Variants in SPTBN1 observed in about 807,000 individuals in gnomAD.
SPTBN1 encodes spectrin beta, non-erythrocytic 1.
A neutral mutation model predicts 266.4 loss-of-function variants in SPTBN1; 32 were observed. The observed-to-expected ratio is 0.12, with a 90% CI of 0.09 to 0.16. The LOEUF (loss-of-function observed/expected upper bound fraction) is 0.16, where lower values mean the gene tolerates loss of function less well. Among genes scored for constraint, SPTBN1 ranks in the 10% least tolerant of loss-of-function variants. The pLI is 1.00. For missense variants in SPTBN1, 2,296 were observed against 3,067.1 expected (o/e 0.75, Z 5.94); for synonymous variants, 1,336 against 1,162.2 (o/e 1.15, Z -3.04).
At chr2:54,552,289 A>G (rs1672618477) in intron 2 of SPTBN1, among the ~76,000 whole-genome samples, 1 of 152,298 alleles carries the variant, frequency 6.6e-6, no homozygotes, top group South Asian at 2.1e-4. Flanking sequence ...GGACTGTACT[A>G]TAATAGTATC....
intron 1 of SPTBN1, among the ~76,000 whole-genome samples, chr2:54,468,519 A>G (rs28380233): frequency 0.035 from 5,376 of 152,124 alleles, 137 homozygotes; most frequent in South Asian, 0.11. Context: ...GATGTTCAGC[A>G]CTCTTGCAGC....
chr2:54,670,511 G>C lies in SPTBN1; in HGVS notation c.*1942G>C. 2.5e-6 allele frequency: 1 copy of C among 394,078 alleles called. No individual in the cohort carries two copies. 24.4% of individuals were successfully genotyped at this position (394,078 alleles called of 1,614,324 possible). ...CTGAGACCTCACCATCCTCTCCCCTGCTTCCCACGACAGTCCTTTGCCCTT... is the reference window on the plus strand; with the variant it reads ...CTGAGACCTCACCATCCTCTCCCCTCCTTCCCACGACAGTCCTTTGCCCTT... On this transcript the variant is annotated 3_prime_UTR_variant, in exon 36 of 36. Coordinates refer to ENST00000356805, the MANE Select transcript of SPTBN1 (RefSeq NM_003128.3).
intron 4 of SPTBN1, 132 bp from the exon 5 acceptor site, chr2:54,616,075 A>G (rs1280351702): frequency 7.9e-6 from 5 of 636,312 alleles, no homozygotes; most frequent in African/African-American, 1.9e-5. Context: ...GTTTTCATTG[A>G]CAGGGTAGAT....
rs1264663115 is a variant in SPTBN1 at position 54,466,538 on chromosome 2, G to A, written c.-48+10020G>A. On this transcript the variant is annotated intron_variant, in intron 1 of 35. Transcript: ENST00000356805. ...GATCGCGCCACTGCACTCCAGCCTG[G>A]GCGACAGAGCGAGACTCCGTCTCAA... Among the ~76,000 whole-genome samples the A allele has an allele frequency of 1.5e-4, 3 of 20,204 alleles. 1 individual carries two copies. Among genetic ancestry groups the A allele is most frequent in the Non-Finnish European group, 2.0e-4 (3 of 14,768 alleles). 13.3% of individuals were successfully genotyped at this position (20,204 alleles called of 152,430 possible). A position where few individuals can be genotyped will look rare whatever the true frequency, so the allele number is the denominator to read the frequency against.
At chr2:54,644,158 A>G (rs1679768293) in intron 19 of SPTBN1, among the ~76,000 whole-genome samples, 165 bp from the exon 20 acceptor site, 2 of 152,296 alleles carry the variant, frequency 1.3e-5, no homozygotes, top group Admixed American at 6.5e-5. Context: ...TACACAACCT[A>G]GGGGTCGTTG....
At chr2:54,518,169 T>G (rs546066471) in intron 1 of SPTBN1, among the ~76,000 whole-genome samples, 1 of 152,122 alleles carries the variant, frequency 6.6e-6, no homozygotes, top group Non-Finnish European at 1.5e-5. Flanking sequence ...ACTAGCCCCA[T>G]GTACCTGAGT....
intron 2 of SPTBN1, chr2:54,526,801 C>G (rs984462112): frequency 2.9e-5 from 11 of 376,752 alleles, no homozygotes; most frequent in Non-Finnish European, 4.7e-5. Context: ...TATAGCAATT[C>G]AAGAACAGCT....
chr2:54,460,306 G>C (rs578053401), intron 1 of SPTBN1, among the ~76,000 whole-genome samples: 2 of 152,036 alleles, frequency 1.3e-5, no homozygotes, highest in South Asian at 4.2e-4. Context: ...TTTTTTCCTT[G>C]ATGGTGGTGA....
intron 32 of SPTBN1, chr2:54,660,618 C>T: frequency 1.0e-6 from 1 of 985,484 alleles, no homozygotes; most frequent in East Asian, 1.1e-4. Flanking sequence ...AAAAGGGAGT[C>T]AGATATATTC....
intron 2 of SPTBN1, 69 bp from the exon 3 acceptor site, chr2:54,599,023 C>T: frequency 2.6e-6 from 4 of 1,561,886 alleles, no homozygotes; most frequent in Non-Finnish European, 1.7e-6. Flanking sequence ...GTCTTGTGGC[C>T]CTGCTAGCAT....
chr2:54,631,911 A>G (rs1383593746), intron 16 of SPTBN1, among the ~76,000 whole-genome samples: 1 of 151,964 alleles, frequency 6.6e-6, no homozygotes, highest in Non-Finnish European at 1.5e-5. Flanking sequence ...TATTGATCCA[A>G]TTTAAAAGAT....
chr2:54,613,163 T>C (rs1244044334), intron 4 of SPTBN1, among the ~76,000 whole-genome samples: 1 of 152,200 alleles, frequency 6.6e-6, no homozygotes, highest in Non-Finnish European at 1.5e-5. Flanking sequence ...TTCGTACTCA[T>C]GCGTTCCAAT....
chr2:54,654,692 G>A (rs751965720), intron 27 of SPTBN1, among the ~76,000 whole-genome samples: 13 of 152,288 alleles, frequency 8.5e-5, no homozygotes, highest in South Asian at 4.1e-4. Flanking sequence ...ATCAAGGTGC[G>A]ATTGCGGCAC....
In SPTBN1 at chr2:54,526,542, C is replaced by T. The variant is rs1670827777; in HGVS notation, c.124C>T (p.Arg42Trp). 2.5e-6 allele frequency: 4 copies of T among 1,613,924 alleles called. No individual in the cohort carries two copies. Among genetic ancestry groups the T allele is most frequent in the Non-Finnish European group, 3.4e-6 (4 of 1,179,908 alleles). The change falls in exon 2 of 36, where the codon CGG (arginine) becomes TGG (tryptophan). Residue 42 changes from arginine (R) to tryptophan (W), a missense_variant. Around this residue, in one of 12 missense-constraint regions of SPTBN1, gnomAD observed 178 missense variants for 375.7 expected, o/e 0.47. Coordinates refer to ENST00000356805, the MANE Select transcript of SPTBN1 (RefSeq NM_003128.3). ...NENSSARLFERSRIKALADER... is the reference protein window; with the variant it reads ...NENSSARLFEWSRIKALADER... ...GAACAGCTCTGCGCGGCTTTTTGAG[C>T]GGTCCCGCATCAAGGCTCTGGCAGG... is the stretch of plus-strand genomic sequence containing the variant.
chr2:54,571,600 C>CATAT (rs70944178), intron 2 of SPTBN1, among the ~76,000 whole-genome samples: 7 of 149,916 alleles, frequency 4.7e-5, no homozygotes, highest in Admixed American at 1.3e-4. Context: ...CACACACACA[C>CATAT]ATATCTATAA....
intron 1 of SPTBN1, among the ~76,000 whole-genome samples, chr2:54,512,936 G>A (rs921806492): frequency 6.6e-6 from 1 of 152,174 alleles, no homozygotes; most frequent in African/African-American, 2.4e-5. Flanking sequence ...CGGTGGCTTA[G>A]GCATGTAATC....
At chr2:54,575,608 C>G (rs1172202067) in intron 2 of SPTBN1, among the ~76,000 whole-genome samples, 1 of 152,218 alleles carries the variant, frequency 6.6e-6, no homozygotes, top group East Asian at 1.9e-4. Context: ...GTTGACATAT[C>G]AGGATTCTTT....
intron 1 of SPTBN1, among the ~76,000 whole-genome samples, chr2:54,464,824 C>A (rs1241423020): frequency 6.6e-6 from 1 of 152,082 alleles, no homozygotes; most frequent in East Asian, 1.9e-4. Flanking sequence ...CAAGTAGTTG[C>A]AGGCGTGTAC....
chr2:54,572,087 G>C (rs1400273585), intron 2 of SPTBN1, among the ~76,000 whole-genome samples: 1 of 151,864 alleles, frequency 6.6e-6, no homozygotes, highest in East Asian at 1.9e-4. Context: ...CTAGGACTCT[G>C]CTGGGTGCTG....
Sources: gnomAD v4.1 joint callset for allele counts (sites outside exome capture counted in the v4.1 genomes callset) on GRCh38, gnomAD v4.1.1 for gene constraint, gnomAD v4.1.1 regional missense constraint, MANE v1.5 for transcripts, NCBI Gene and HGNC (gene_info 2026-07-23, HGNC 2026-07-21) for gene names.